Variants in CADM2 observed in about 807,000 individuals in gnomAD.
The protein encoded by CADM2 is cell adhesion molecule 2.
CADM2 carries 12 observed loss-of-function variants against 49.8 expected under a neutral mutation model. The ratio of observed to expected loss-of-function variants is 0.24; its 90% confidence interval spans 0.15 to 0.39. The LOEUF is 0.39. CADM2 is among the 10% of genes least tolerant of loss of function. CADM2 has a pLI of 1.00. For missense variants in CADM2, 378 were observed against 492.3 expected (o/e 0.77, Z 2.20); for synonymous variants, 214 against 175.4 (o/e 1.22, Z -1.74).
intron 1 of CADM2, among the ~76,000 whole-genome samples, chr3:85,545,774 A>G (rs1333521575): frequency 1.3e-5 from 2 of 152,112 alleles, no homozygotes; most frequent in Non-Finnish European, 2.9e-5. Context: ...TCCAAGGCAT[A>G]TTTTTTCCCA....
At chr3:85,928,485 T>A (rs886530150) in intron 6 of CADM2, among the ~76,000 whole-genome samples, 1 of 152,078 alleles carries the variant, frequency 6.6e-6, no homozygotes, top group Non-Finnish European at 1.5e-5. Flanking sequence ...TGTCCATAAA[T>A]CTAGCTTTTG....
At chr3:85,386,825 A>C (rs1040699731) in intron 1 of CADM2, among the ~76,000 whole-genome samples, 3 of 152,194 alleles carry the variant, frequency 2.0e-5, no homozygotes, top group Non-Finnish European at 4.4e-5. Flanking sequence ...TTTGCCAGAA[A>C]ACACAGAAAA....
At chr3:85,740,567 T>C (rs1443688645) in intron 2 of CADM2, among the ~76,000 whole-genome samples, 1 of 152,168 alleles carries the variant, frequency 6.6e-6, no homozygotes, top group Non-Finnish European at 1.5e-5. Flanking sequence ...TTTTGCTTCT[T>C]TTTTTCTTTT....
chr3:86,049,874 G>A (rs942213209), intron 8 of CADM2, among the ~76,000 whole-genome samples: 2 of 152,030 alleles, frequency 1.3e-5, no homozygotes, highest in Non-Finnish European at 2.9e-5. Context: ...TAATTCTTGG[G>A]GTTACAATCC....
chr3:85,218,103 ATAAT>A (rs1275806213), intron 1 of CADM2, among the ~76,000 whole-genome samples: 1 of 152,120 alleles, frequency 6.6e-6, no homozygotes, highest in South Asian at 2.1e-4. Flanking sequence ...TAGACATATA[ATAAT>A]TAGTTTATGA....
At chr3:86,038,693 C>A (rs774473499) in intron 8 of CADM2, among the ~76,000 whole-genome samples, 1 of 152,078 alleles carries the variant, frequency 6.6e-6, no homozygotes, top group Non-Finnish European at 1.5e-5. Flanking sequence ...GATGGGTGAA[C>A]CCTTTATATA....
At chr3:85,399,840 G>A (rs12330513) in intron 1 of CADM2, among the ~76,000 whole-genome samples, 13,590 of 152,158 alleles carry the variant, frequency 0.089, 1,974 homozygotes, top group African/African-American at 0.31. Flanking sequence ...CTTTTCTGAA[G>A]CTGCTTATCA....
intron 1 of CADM2, among the ~76,000 whole-genome samples, chr3:85,458,712 A>G (rs1440916703): frequency 6.6e-6 from 1 of 151,832 alleles, no homozygotes; most frequent in East Asian, 1.9e-4. Flanking sequence ...ACAAGCTCTG[A>G]GATTCTACAC....
Position 85,959,605 on chromosome 3 carries a change from C to T in CADM2, c.792-1864C>T, listed in dbSNP as rs186969396. Among the ~76,000 whole-genome samples, 6 of 152,010 alleles carry T rather than the reference C, an allele frequency of 3.9e-5. No homozygotes were observed. The East Asian group carries it at 9.8e-4, about 25-fold the overall frequency. ...GAGTCTACTATCACTCAGGAAATTA[C>T]AGTCATGCACCATATAACAACACTT... On this transcript the variant is annotated intron_variant, in intron 7 of 9. Transcript: ENST00000383699.
intron 1 of CADM2, among the ~76,000 whole-genome samples, chr3:85,489,159 A>G (rs2039557223): frequency 6.6e-6 from 1 of 152,170 alleles, no homozygotes; most frequent in South Asian, 2.1e-4. Context: ...TATAAACTTT[A>G]TCTTACTTCA....
intron 1 of CADM2, among the ~76,000 whole-genome samples, chr3:85,702,025 A>AGTT (rs1174064247): frequency 2.6e-5 from 4 of 151,582 alleles, no homozygotes; most frequent in Non-Finnish European, 4.4e-5. Context: ...GATAGTTGAT[A>AGTT]GATAGATAGA....
chr3:85,375,202 A>G (rs2033517663), intron 1 of CADM2, among the ~76,000 whole-genome samples: 1 of 152,214 alleles, frequency 6.6e-6, no homozygotes. Flanking sequence ...TTTCAAGGAG[A>G]GAAAATTCAA....
At chr3:85,155,036 G>A (rs1324631580) in intron 1 of CADM2, among the ~76,000 whole-genome samples, 6 of 149,458 alleles carry the variant, frequency 4.0e-5, no homozygotes, top group African/African-American at 1.3e-4. Flanking sequence ...ATCAACTAAC[G>A]AGCAAAATAA....
At chr3:86,014,088 G>T (rs1731897027) in intron 8 of CADM2, 2 of 1,290,468 alleles carry the variant, frequency 1.5e-6, no homozygotes, top group East Asian at 2.4e-5. Context: ...AAGGGGTAAA[G>T]AACTGAAGGA....
At chr3:85,599,081 T>C (rs2063328209) in intron 1 of CADM2, among the ~76,000 whole-genome samples, 1 of 151,978 alleles carries the variant, frequency 6.6e-6, no homozygotes, top group Non-Finnish European at 1.5e-5. Context: ...GATTTCCTGT[T>C]GTGTAACCCA....
At chr3:85,655,923 T>C (rs1017037139) in intron 1 of CADM2, among the ~76,000 whole-genome samples, 10 of 152,134 alleles carry the variant, frequency 6.6e-5, no homozygotes, top group Non-Finnish European at 1.5e-4. Context: ...TGCATTAGTT[T>C]GTCTTCCTCA....
At chr3:85,894,152 G>A (rs1714875813) in intron 5 of CADM2, among the ~76,000 whole-genome samples, 1 of 152,122 alleles carries the variant, frequency 6.6e-6, no homozygotes, top group Non-Finnish European at 1.5e-5. Flanking sequence ...ATACACCATA[G>A]AATACTATGC....
intron 1 of CADM2, among the ~76,000 whole-genome samples, chr3:85,256,701 G>T (rs2042892742): frequency 1.3e-5 from 2 of 152,046 alleles, no homozygotes; most frequent in African/African-American, 4.8e-5. Context: ...AGATTATAAA[G>T]CCCTGTTATA....
chr3:85,649,642 A>C (rs2064987415), intron 1 of CADM2, among the ~76,000 whole-genome samples: 1 of 152,186 alleles, frequency 6.6e-6, no homozygotes, highest in Non-Finnish European at 1.5e-5. Context: ...CAAGGAATTA[A>C]AGGAAAGGCT....
Sources: gnomAD v4.1 joint callset for allele counts (sites outside exome capture counted in the v4.1 genomes callset) on GRCh38, gnomAD v4.1.1 for gene constraint, MANE v1.5 for transcripts, NCBI Gene and HGNC (gene_info 2026-07-23, HGNC 2026-07-21) for gene names.